Variants in NLGN1 observed in about 807,000 individuals in gnomAD.
The protein encoded by NLGN1 is neuroligin 1, also known as neuroligin-1.
A neutral mutation model predicts 65.5 loss-of-function variants in NLGN1; 12 were observed. That is an observed-to-expected ratio of 0.18 (90% CI 0.12 to 0.30). The LOEUF (loss-of-function observed/expected upper bound fraction) is 0.30. NLGN1 is among the 10% of genes least tolerant of loss of function. NLGN1 has a pLI of 1.00. For synonymous variants in NLGN1, 350 were observed against 359.5 expected (o/e 0.97, Z 0.30); for missense variants, 750 against 1,007.1 (o/e 0.74, Z 3.46).
chr3:173,969,994 C>A (rs1028825014), intron 4 of NLGN1, among the ~76,000 whole-genome samples: 2 of 151,410 alleles, frequency 1.3e-5, no homozygotes, highest in Non-Finnish European at 2.9e-5. Flanking sequence ...TTTAAGTGAA[C>A]TCTATACTAG....
intron 4 of NLGN1, among the ~76,000 whole-genome samples, chr3:173,953,767 C>T (rs528708470): frequency 5.3e-4 from 81 of 152,232 alleles, no homozygotes; most frequent in African/African-American, 1.9e-3. Context: ...TGGTCTTGAA[C>T]TCCTGGACTC....
At chr3:173,765,482 G>A (rs947966663) in intron 3 of NLGN1, among the ~76,000 whole-genome samples, 2 of 152,052 alleles carry the variant, frequency 1.3e-5, no homozygotes, top group Non-Finnish European at 2.9e-5. Context: ...AAAATAACTG[G>A]ACTCCCTTGT....
chr3:173,818,895 C>CTTTTTTTTTTTTTTTT lies in NLGN1; in HGVS notation c.646+11064_646+11079dup, dbSNP rs200212547. Reference sequence around the variant, plus strand: ...AATTTTGTTCTGCCTTTGAATAGTTCTTTTTTTTTTTTTTTTCCAGTAAGG... The same window carrying CTTTTTTTTTTTTTTTT: ...AATTTTGTTCTGCCTTTGAATAGTTCTTTTTTTTTTTTTTTTTTTTTTTTTTTTTTTTCCAGTAAGG... On this transcript the variant is annotated intron_variant, in intron 4 of 6. Transcript: ENST00000457714. 1.8e-3 allele frequency among the ~76,000 whole-genome samples: 162 copies of CTTTTTTTTTTTTTTTT among 92,352 alleles called. 26 individuals carry two copies. Among genetic ancestry groups the CTTTTTTTTTTTTTTTT allele is most frequent in the African/African-American group, 4.1e-3 (88 of 21,210 alleles). 60.6% of individuals were successfully genotyped at this position (92,352 alleles called of 152,430 possible).
intron 4 of NLGN1, among the ~76,000 whole-genome samples, chr3:174,220,380 A>G (rs761296821): frequency 5.9e-5 from 9 of 152,142 alleles, no homozygotes; most frequent in Non-Finnish European, 1.0e-4. Context: ...ACACTCTGGT[A>G]TAGGCCTAGA....
At chr3:173,999,068 A>G (rs1051091337) in intron 4 of NLGN1, among the ~76,000 whole-genome samples, 4 of 152,200 alleles carry the variant, frequency 2.6e-5, no homozygotes, top group African/African-American at 9.6e-5. Flanking sequence ...TGCTTTCTCC[A>G]ACTTAGAAAC....
chr3:173,540,176 C>T (rs975141724), intron 2 of NLGN1, among the ~76,000 whole-genome samples: 1 of 152,124 alleles, frequency 6.6e-6, no homozygotes, highest in South Asian at 2.1e-4. Flanking sequence ...AAGGCCTGTG[C>T]TGAGATTCCC....
intron 4 of NLGN1, among the ~76,000 whole-genome samples, chr3:174,125,963 A>C (rs780908579): frequency 6.6e-6 from 1 of 152,136 alleles, no homozygotes; most frequent in African/African-American, 2.4e-5. Flanking sequence ...ATCATGCAAG[A>C]CCTTTTACAT....
chr3:173,563,304 C>T (rs1198612760), intron 2 of NLGN1, among the ~76,000 whole-genome samples: 1 of 152,140 alleles, frequency 6.6e-6, no homozygotes, highest in Non-Finnish European at 1.5e-5. Flanking sequence ...AATGTGCATG[C>T]ACTTGCTAGT....
At chr3:174,261,628 C>A (rs913818039) in intron 4 of NLGN1, among the ~76,000 whole-genome samples, 2 of 131,886 alleles carry the variant, frequency 1.5e-5, no homozygotes, top group Non-Finnish European at 1.6e-5. Flanking sequence ...ATGTCGTCTG[C>A]AAACAGGGAC....
chr3:173,533,460 C>T (rs1166180367), intron 2 of NLGN1, among the ~76,000 whole-genome samples: 1 of 151,980 alleles, frequency 6.6e-6, no homozygotes, highest in East Asian at 1.9e-4. Context: ...CAGGCAACTC[C>T]CCATTCTCTG....
chr3:174,210,858 G>T (rs1471545308), intron 4 of NLGN1, among the ~76,000 whole-genome samples: 1 of 152,168 alleles, frequency 6.6e-6, no homozygotes, highest in African/African-American at 2.4e-5. Context: ...TCTAGGTTTA[G>T]ATACACAAAT....
chr3:174,192,238 T>G (rs1732536773), intron 4 of NLGN1, among the ~76,000 whole-genome samples: 1 of 152,050 alleles, frequency 6.6e-6, no homozygotes, highest in Admixed American at 6.6e-5. Context: ...ATTAGAGAAA[T>G]TTTAACTTAA....
At position 173,551,717 on chromosome 3, in the gene NLGN1, G is replaced by A. The variant is rs181200325; in HGVS notation, c.-320-52562G>A. ...AGGGTTGCATTGTGATCTTGGTACC[G>A]AAATCATCCGGCTCCATATTCCAGG... is the stretch of plus-strand genomic sequence containing the variant. On this transcript the variant is annotated intron_variant, in intron 2 of 6. Coordinates refer to ENST00000457714, the Ensembl canonical transcript of NLGN1. Among the ~76,000 whole-genome samples the A allele has an allele frequency of 1.9e-3, 284 of 152,260 alleles. 5 individuals are homozygous for A. Among genetic ancestry groups the A allele is most frequent in the Non-Finnish European group, 2.2e-3 (150 of 68,008 alleles).
At chr3:173,930,247 G>T (rs1468713157) in intron 4 of NLGN1, among the ~76,000 whole-genome samples, 3 of 152,104 alleles carry the variant, frequency 2.0e-5, no homozygotes, top group Non-Finnish European at 4.4e-5. Flanking sequence ...ATTCCAGGTT[G>T]GGGATGATTA....
chr3:173,984,139 A>T (rs925523780), intron 4 of NLGN1, among the ~76,000 whole-genome samples: 1 of 152,176 alleles, frequency 6.6e-6, no homozygotes, highest in Non-Finnish European at 1.5e-5. Flanking sequence ...AATCAAATCT[A>T]AGGAAACCTC....
rs574873000 is a variant in NLGN1 at position 174,112,367 on chromosome 3, G to C, written c.647-162948G>C. ...TTTTTAAAACTTTCTCAATGCATCAGACTGCTGTTAATAATATGAGAACAA... is the reference window on the plus strand; with the variant it reads ...TTTTTAAAACTTTCTCAATGCATCACACTGCTGTTAATAATATGAGAACAA... On this transcript the variant is annotated intron_variant, in intron 4 of 6. Coordinates refer to ENST00000457714, the Ensembl canonical transcript of NLGN1. 6.7e-4 allele frequency among the ~76,000 whole-genome samples: 102 copies of C among 151,972 alleles called. 1 individual carries two copies. In the South Asian group the frequency reaches 7.1e-3, roughly 11 times the overall value.
intron 3 of NLGN1, among the ~76,000 whole-genome samples, chr3:173,791,139 A>T (rs187132066): frequency 1.3e-5 from 2 of 152,314 alleles, no homozygotes; most frequent in Non-Finnish European, 2.9e-5. Flanking sequence ...AGCCCCACTG[A>T]TGCTAAACAT....
intron 3 of NLGN1, among the ~76,000 whole-genome samples, chr3:173,623,005 A>C (rs1287351169): frequency 6.6e-6 from 1 of 152,144 alleles, no homozygotes; most frequent in African/African-American, 2.4e-5. Context: ...AATGCATTCT[A>C]TACCCTCAAG....
chr3:174,014,080 G>C (rs1388110695), intron 4 of NLGN1, among the ~76,000 whole-genome samples: 1 of 151,980 alleles, frequency 6.6e-6, no homozygotes, highest in East Asian at 1.9e-4. Context: ...CCACGTCTTA[G>C]GTAAATGGAA....
Sources: gnomAD v4.1 joint callset for allele counts (sites outside exome capture counted in the v4.1 genomes callset) on GRCh38, gnomAD v4.1.1 for gene constraint, MANE v1.5 for transcripts, NCBI Gene and HGNC (gene_info 2026-07-23, HGNC 2026-07-21) for gene names.